The following PIP5K1C variants were observed in gnomAD, a reference collection of about 807,000 sequenced individuals.
PIP5K1C encodes the protein phosphatidylinositol-4-phosphate 5-kinase type 1 gamma.
A neutral mutation model predicts 80.1 loss-of-function variants in PIP5K1C; 45 were observed. The ratio of observed to expected loss-of-function variants is 0.56; its 90% confidence interval spans 0.44 to 0.72. The LOEUF is 0.72. Among genes scored for constraint, PIP5K1C ranks in the 30% least tolerant of loss-of-function variants. The pLI, the probability that PIP5K1C is intolerant of heterozygous loss-of-function variation, is 0.00. For synonymous variants in PIP5K1C, 498 were observed against 420.1 expected (o/e 1.19, Z -2.27); for missense variants, 753 against 954.6 (o/e 0.79, Z 2.78).
At chr19:3,644,012 C>A (rs539613319) in intron 12 of PIP5K1C, 75 bp downstream of exon 12, 42 of 1,531,360 alleles carry the variant, frequency 2.7e-5, no homozygotes, top group Non-Finnish European at 2.9e-5. Context: ...CAGGATGAGG[C>A]GGCACCCCAC....
At chr19:3,652,723 C>T (rs1042395694) in intron 7 of PIP5K1C, among the ~76,000 whole-genome samples, 9 of 152,208 alleles carry the variant, frequency 5.9e-5, no homozygotes, top group African/African-American at 1.9e-4. Context: ...CCTCACTGGA[C>T]GCACATGGGC....
intron 8 of PIP5K1C, among the ~76,000 whole-genome samples, chr19:3,650,266 C>T (rs1367053401): frequency 2.0e-5 from 3 of 152,242 alleles, no homozygotes; most frequent in South Asian, 2.1e-4. Context: ...GGGAAGGCTG[C>T]CCCCCAACCT....
At position 3,692,431 on chromosome 19, in the gene PIP5K1C, CT is replaced by C. The variant is rs1402568119; in HGVS notation, c.94+7865del. Among the ~76,000 whole-genome samples, 3 of 152,198 alleles carry C rather than the reference CT, an allele frequency of 2.0e-5. No homozygotes were observed. Among genetic ancestry groups the C allele is most frequent in the African/African-American group, 7.2e-5 (3 of 41,442 alleles). On this transcript the variant is annotated intron_variant, in intron 1 of 17. Transcript: ENST00000335312. This position sits in a 1 kb window ranked among gnomAD's most constrained non-coding sequence, Gnocchi z 5.2. ...GCTGCCCTTCCTGCATCCATCTTGG[CT>C]GAGGGCAGCTCTGTCCTTCCAGGGC...
At chr19:3,654,125 C>T (rs559937086) in intron 6 of PIP5K1C, among the ~76,000 whole-genome samples, 9 of 152,336 alleles carry the variant, frequency 5.9e-5, no homozygotes, top group East Asian at 3.9e-4. Flanking sequence ...CCTCAGCCTC[C>T]GAAAGTGCCA....
intron 5 of PIP5K1C, among the ~76,000 whole-genome samples, chr19:3,657,344 C>T (rs1445915625): frequency 2.6e-5 from 4 of 152,188 alleles, no homozygotes; most frequent in African/African-American, 4.8e-5. Flanking sequence ...ATGAGACCCA[C>T]GGGTGCTACC....
intron 1 of PIP5K1C, among the ~76,000 whole-genome samples, chr19:3,697,626 A>T (rs1299695595): frequency 3.3e-5 from 5 of 152,170 alleles, no homozygotes. Context: ...CTGCCAGATC[A>T]GCCGTGGAAG....
At chr19:3,662,675 C>T (rs553565576) in intron 3 of PIP5K1C, among the ~76,000 whole-genome samples, 11 of 152,174 alleles carry the variant, frequency 7.2e-5, no homozygotes, top group African/African-American at 2.7e-4. Context: ...AAGTGATTCT[C>T]CTGCCTCAGC....
At chr19:3,683,930 C>T (rs10407023) in intron 1 of PIP5K1C, among the ~76,000 whole-genome samples, 20,567 of 134,068 alleles carry the variant, frequency 0.15, 1,778 homozygotes, top group African/African-American at 0.18. Context: ...GTCCCACACC[C>T]CCCCCACGCT....
At chr19:3,643,921 C>A (rs1005839396) in intron 12 of PIP5K1C, among the ~76,000 whole-genome samples, 166 bp downstream of exon 12, 4 of 152,164 alleles carry the variant, frequency 2.6e-5, no homozygotes, top group Admixed American at 2.0e-4. Context: ...CTGGGCTCTT[C>A]CCTGGGGCGG....
chr19:3,651,697 C>G (rs2034456988), intron 8 of PIP5K1C, 129 bp downstream of exon 8: 5 of 939,542 alleles, frequency 5.3e-6, no homozygotes, highest in South Asian at 4.2e-5. Context: ...GGCTCCCAGA[C>G]TCTGTCTGTC....
chr19:3,682,004 T>C (rs898358903), intron 1 of PIP5K1C, among the ~76,000 whole-genome samples: 1 of 152,050 alleles, frequency 6.6e-6, no homozygotes, highest in Non-Finnish European at 1.5e-5. Flanking sequence ...GCACGCTGCA[T>C]GCTGGTCTGA....
intron 1 of PIP5K1C, among the ~76,000 whole-genome samples, chr19:3,668,878 G>T (rs990521295): frequency 1.3e-5 from 2 of 152,326 alleles, no homozygotes; most frequent in Non-Finnish European, 2.9e-5. Flanking sequence ...CAGCACAAAG[G>T]TCACAAGGTG....
intron 7 of PIP5K1C, 79 bp from the exon 8 acceptor site, chr19:3,652,110 C>T (rs532335504): frequency 1.4e-6 from 2 of 1,406,438 alleles, no homozygotes; most frequent in African/African-American, 1.4e-5. Flanking sequence ...CTATGGGGTT[C>T]CCAGCACGGA....
chr19:3,699,591 G>A (rs527358128), intron 1 of PIP5K1C, among the ~76,000 whole-genome samples: 69 of 152,334 alleles, frequency 4.5e-4, no homozygotes, highest in African/African-American at 1.6e-3. Flanking sequence ...CGACTGAGAA[G>A]GAACTGTTCC....
intron 1 of PIP5K1C, 76 bp from the exon 2 acceptor site, chr19:3,667,429 C>T: frequency 6.5e-7 from 1 of 1,540,976 alleles, no homozygotes; most frequent in Non-Finnish European, 9.0e-7. Context: ...CCCCGGCCCA[C>T]CTTCTGGCGC....
chr19:3,661,444 T>C (rs1600005301), intron 4 of PIP5K1C, among the ~76,000 whole-genome samples: 1 of 152,310 alleles, frequency 6.6e-6, no homozygotes, highest in Non-Finnish European at 1.5e-5. Flanking sequence ...GGGCTGTTGT[T>C]CTCCTTCTGT....
At chr19:3,641,068 A>G (rs1419959890) in intron 15 of PIP5K1C, among the ~76,000 whole-genome samples, 1 of 151,828 alleles carries the variant, frequency 6.6e-6, no homozygotes, top group African/African-American at 2.4e-5. Flanking sequence ...CACAAAAATT[A>G]GCCATGCGTG....
chr19:3,641,205 A>G (rs1299573822), intron 15 of PIP5K1C, among the ~76,000 whole-genome samples: 2 of 152,122 alleles, frequency 1.3e-5, no homozygotes, highest in Non-Finnish European at 2.9e-5. Flanking sequence ...AGAGAGCAAT[A>G]TCCTGTCTCA....
intron 3 of PIP5K1C, among the ~76,000 whole-genome samples, chr19:3,662,333 G>C (rs184833576): frequency 1.3e-5 from 2 of 152,310 alleles, no homozygotes; most frequent in African/African-American, 4.8e-5. Flanking sequence ...TAGCAAAAGG[G>C]TCGATTCACT....
Sources: allele counts gnomAD v4.1 joint callset (sites outside exome capture counted in the v4.1 genomes callset), GRCh38; gene constraint gnomAD v4.1.1; non-coding constraint Gnocchi (gnomAD v3.1); transcripts MANE v1.5; gene names NCBI Gene and HGNC (gene_info 2026-07-23, HGNC 2026-07-21).